CACNA1C: variants seen among roughly 807,000 people sequenced by gnomAD.
The protein encoded by CACNA1C is voltage-dependent L-type calcium channel subunit alpha-1C.
A neutral mutation model predicts 229.0 loss-of-function variants in CACNA1C; 30 were observed. The observed-to-expected ratio is 0.13, with a 90% CI of 0.10 to 0.18. The LOEUF is 0.18. Among genes scored for constraint, CACNA1C ranks in the 10% least tolerant of loss-of-function variants. CACNA1C has a pLI of 1.00. For synonymous variants in CACNA1C, 1,114 were observed against 1,132.5 expected (o/e 0.98, Z 0.33); for missense variants, 1,658 against 2,845.0 (o/e 0.58, Z 9.49).
At chr12:2,431,065 T>C (rs2099079006) in intron 3 of CACNA1C, among the ~76,000 whole-genome samples, 1 of 152,092 alleles carries the variant, frequency 6.6e-6, no homozygotes, top group Non-Finnish European at 1.5e-5. Context: ...GGTGATATGT[T>C]TGAGAAGCAG....
chr12:2,695,754 C>G lies in CACNA1C; in HGVS notation c.*4555C>G, dbSNP rs1199338121. 2 of 152,230 alleles carry G rather than the reference C, an allele frequency of 1.3e-5. No individual in the cohort carries two copies. Among genetic ancestry groups the G allele is most frequent in the African/African-American group, 4.8e-5 (2 of 41,438 alleles). The allele number at this position is 152,230 out of a possible 1,614,324, so 9.4% of individuals were successfully genotyped here. A position where few individuals can be genotyped will look rare whatever the true frequency, so the allele number is the denominator to read the frequency against. On this transcript the variant is annotated 3_prime_UTR_variant, in exon 47 of 47. Transcript: ENST00000399655. ...ATGCTTACACGACCTCTTTGTGAAG[C>G]CTCTTCTGGGTTTAACTTCATTCAT...
At chr12:2,572,462 TC>T in intron 13 of CACNA1C, among the ~76,000 whole-genome samples, 1 of 57,082 alleles carries the variant, frequency 1.8e-5, no homozygotes, top group African/African-American at 7.6e-5. Flanking sequence ...TTCCTCCTCC[TC>T]CTCTTCCTCC....
At chr12:2,325,467 T>A (rs2096249668) in intron 3 of CACNA1C, among the ~76,000 whole-genome samples, 1 of 152,254 alleles carries the variant, frequency 6.6e-6, no homozygotes, top group Admixed American at 6.5e-5. Flanking sequence ...GTACATGGTA[T>A]ATGGTTTATT....
Position 2,067,449 on chromosome 12 carries a change from CGTGTGTGTGTGT to C in CACNA1C, c.49+13860_49+13871del, listed in dbSNP as rs1555107490. Reference sequence around the variant, plus strand: ...GCTTAGGACTGTGGACTAGGATGCACGTGTGTGTGTGTGTGTGTGTGTGTGTGTGTGTGCGCG... The same window carrying C: ...GCTTAGGACTGTGGACTAGGATGCACGTGTGTGTGTGTGTGTGTGTGCGCG... On this transcript the variant is annotated intron_variant, in intron 1 of 46. Transcript: ENST00000399655. This position sits in a 1 kb window ranked among gnomAD's most constrained non-coding sequence, Gnocchi z 5.3. Among the ~76,000 whole-genome samples, 13 of 141,374 alleles carry C rather than the reference CGTGTGTGTGTGT, an allele frequency of 9.2e-5. No individual in the cohort carries two copies. The highest frequency in any genetic ancestry group is 1.5e-4 in the Non-Finnish European group (10 of 65,390). 92.7% of individuals were successfully genotyped at this position (141,374 alleles called of 152,430 possible). A position where few individuals can be genotyped will look rare whatever the true frequency, so the allele number is the denominator to read the frequency against.
intron 3 of CACNA1C, among the ~76,000 whole-genome samples, chr12:2,126,193 C>T (rs1471258245): frequency 6.6e-6 from 1 of 152,152 alleles, no homozygotes; most frequent in Non-Finnish European, 1.5e-5. Context: ...ATCTAACATA[C>T]ACTTTTGCAC....
intron 3 of CACNA1C, among the ~76,000 whole-genome samples, chr12:2,233,105 C>T (rs2065952272): frequency 6.6e-6 from 1 of 152,130 alleles, no homozygotes; most frequent in Admixed American, 6.5e-5. Flanking sequence ...TCATTCCTAT[C>T]AGCTTGTGTT....
At chr12:1,973,268 T>C (rs1440986400) in intron 1 of CACNA1C, among the ~76,000 whole-genome samples, 3 of 152,144 alleles carry the variant, frequency 2.0e-5, no homozygotes, top group Admixed American at 2.0e-4. Flanking sequence ...CTGAGAATAA[T>C]GGAAGGTTCA....
At chr12:2,097,370 T>A (rs577937470) in intron 1 of CACNA1C, among the ~76,000 whole-genome samples, 2 of 151,980 alleles carry the variant, frequency 1.3e-5, no homozygotes, top group Admixed American at 6.6e-5. Flanking sequence ...ATAGTCTCGA[T>A]CTCCTGACCT....
intron 3 of CACNA1C, among the ~76,000 whole-genome samples, chr12:2,409,847 G>T (rs2098786217): frequency 6.6e-6 from 1 of 152,232 alleles, no homozygotes; most frequent in African/African-American, 2.4e-5. Context: ...CAGCAGGGGA[G>T]GTGGAGGCAA....
intron 28 of CACNA1C, 81 bp downstream of exon 28, chr12:2,610,780 C>A (rs2077266580): frequency 2.1e-6 from 3 of 1,395,396 alleles, no homozygotes; most frequent in East Asian, 2.3e-5. Flanking sequence ...GAGCGGCAGG[C>A]AGCTCAGTGC....
At chr12:2,515,731 G>T (rs886338229) in intron 9 of CACNA1C, among the ~76,000 whole-genome samples, 1 of 152,160 alleles carries the variant, frequency 6.6e-6, no homozygotes, top group African/African-American at 2.4e-5. Context: ...CAGGGATTCT[G>T]TTTCCTTAGG....
intron 3 of CACNA1C, among the ~76,000 whole-genome samples, chr12:2,343,624 G>A (rs978556127): frequency 5.3e-5 from 8 of 152,186 alleles, no homozygotes; most frequent in African/African-American, 1.9e-4. Context: ...ACTGTGGCTG[G>A]GTGGGCAGTG....
Position 2,654,750 on chromosome 12 carries a change from C to G in CACNA1C, c.4141-397C>G, listed in dbSNP as rs1428511117. Among the ~76,000 whole-genome samples, 10 of 152,208 alleles carry G rather than the reference C, an allele frequency of 6.6e-5. No homozygotes were observed. The highest frequency in any genetic ancestry group is 5.9e-4 in the Admixed American group (9 of 15,290). Reference sequence around the variant, plus strand: ...TTGCCCTAGCCTCAGATCACTCACTCCACATCACTCCAAAATGCAAGAACT... The same window carrying G: ...TTGCCCTAGCCTCAGATCACTCACTGCACATCACTCCAAAATGCAAGAACT... On this transcript the variant is annotated intron_variant, in intron 33 of 46. Transcript: ENST00000399655. The surrounding 1 kb of genome is among the most constrained non-coding windows in gnomAD (Gnocchi z 4.4).
intron 3 of CACNA1C, among the ~76,000 whole-genome samples, chr12:2,219,315 C>CCT (rs1378328969): frequency 6.6e-6 from 1 of 152,202 alleles, no homozygotes; most frequent in African/African-American, 2.4e-5. Context: ...CTTCTTGACT[C>CCT]CTGTTACTTT....
chr12:2,438,293 G>GTGA (rs1481872849), intron 3 of CACNA1C, among the ~76,000 whole-genome samples: 18 of 147,662 alleles, frequency 1.2e-4, no homozygotes, highest in African/African-American at 4.1e-4. Flanking sequence ...GGTAATGATG[G>GTGA]TGGTGGTGGT....
chr12:2,126,275 A>T (rs911637500), intron 3 of CACNA1C, among the ~76,000 whole-genome samples: 1 of 152,216 alleles, frequency 6.6e-6, no homozygotes, highest in African/African-American at 2.4e-5. Context: ...GGGCCATGAC[A>T]TGACAATTCT....
intron 1 of CACNA1C, among the ~76,000 whole-genome samples, chr12:2,072,322 C>T (rs1188647624): frequency 6.6e-6 from 1 of 152,132 alleles, no homozygotes; most frequent in East Asian, 1.9e-4. Context: ...CCCCAGCCTC[C>T]TGAGTAGCTG....
At chr12:2,272,072 G>A (rs2085293298) in intron 3 of CACNA1C, among the ~76,000 whole-genome samples, 1 of 152,160 alleles carries the variant, frequency 6.6e-6, no homozygotes, top group South Asian at 2.1e-4. Context: ...ATCCCCCAGT[G>A]TTCCCCAAGC....
chr12:2,448,872 G>A, intron 3 of CACNA1C, 104 bp from the exon 4 acceptor site: 1 of 943,766 alleles, frequency 1.1e-6, no homozygotes, highest in Non-Finnish European at 1.6e-6. Context: ...CCACAGAGGG[G>A]GCAGCATTAT....
Sources: allele counts gnomAD v4.1 joint callset (sites outside exome capture counted in the v4.1 genomes callset), GRCh38; gene constraint gnomAD v4.1.1; non-coding constraint Gnocchi (gnomAD v3.1); transcripts MANE v1.5; gene names NCBI Gene and HGNC (gene_info 2026-07-23, HGNC 2026-07-21).